MRPS35: variants seen among roughly 807,000 people sequenced by gnomAD.
The protein encoded by MRPS35 is mitochondrial ribosomal protein S35, also known as small ribosomal subunit protein mS35.
A neutral mutation model predicts 32.7 loss-of-function variants in MRPS35; 29 were observed. The observed-to-expected ratio is 0.89, with a 90% CI of 0.66 to 1.21. The LOEUF (loss-of-function observed/expected upper bound fraction) is 1.21. Among genes scored for constraint, MRPS35 ranks in the 50% most tolerant of loss-of-function variants. The pLI is 0.00. For synonymous variants in MRPS35, 148 were observed against 139.3 expected, an observed-to-expected ratio of 1.06 and a Z score of -0.44; for missense variants, 373 against 383.8, an observed-to-expected ratio of 0.97 and a Z score of 0.23.
rs775495470 is a variant in MRPS35 at position 27,723,611 on chromosome 12, C to T, written c.383-436C>T. ...GTTTCTTCTTAGGGCTTTTTGAGAG[C>T]TTTCAATTCCTTTCAGCTGATCTTT... On this transcript the variant is annotated intron_variant, in intron 4 of 7. Coordinates refer to ENST00000081029, the MANE Select transcript of MRPS35 (RefSeq NM_021821.4). Among the ~76,000 whole-genome samples, 9 of 149,498 alleles carry T rather than the reference C, an allele frequency of 6.0e-5. 1 individual carries two copies. The highest frequency in any genetic ancestry group is 2.9e-5 in the Non-Finnish European group (2 of 68,034).
In MRPS35 at chr12:27,734,010, A is replaced by G. The variant is rs1399565037; in HGVS notation, c.523-1437A>G. 2.0e-5 allele frequency among the ~76,000 whole-genome samples: 3 copies of G among 152,212 alleles called. No homozygotes were observed. In the South Asian group the frequency reaches 6.2e-4, roughly 31 times the overall value. ...ATCATTCTTACCCTCAAGGGTTTCA[A>G]ATCAGTGGGGAAAAAATGGGAAAAT... On this transcript the variant is annotated intron_variant, in intron 5 of 7. Coordinates refer to ENST00000081029, the MANE Select transcript of MRPS35 (RefSeq NM_021821.4).
chr12:27,751,563 G>A lies in MRPS35; in HGVS notation c.703-3618G>A, dbSNP rs1023362618. Among the ~76,000 whole-genome samples, 4 of 152,228 alleles carry A rather than the reference G, an allele frequency of 2.6e-5. No individual in the cohort carries two copies. In the East Asian group the frequency reaches 5.8e-4, roughly 22 times the overall value. On this transcript the variant is annotated intron_variant, in intron 7 of 7. Transcript: ENST00000081029. Reference sequence around the variant, plus strand: ...GCTGTGTGGCTCCCGCGACCCCCATGCCTGCGGCTTCCCAGAAGGCTCTCC... The same window carrying A: ...GCTGTGTGGCTCCCGCGACCCCCATACCTGCGGCTTCCCAGAAGGCTCTCC...
At chr12:27,750,361 TAAC>T (rs2061997084) in intron 7 of MRPS35, among the ~76,000 whole-genome samples, 1 of 152,242 alleles carries the variant, frequency 6.6e-6, no homozygotes, top group South Asian at 2.1e-4. Context: ...CAGTAAATCT[TAAC>T]AACAATTGTA....
In MRPS35 at chr12:27,719,809, T is replaced by G. The variant is rs768205498; in HGVS notation, c.323T>G (p.Ile108Ser). The change falls in exon 4 of 8, where the codon ATT becomes AGT. Residue 108 changes from isoleucine (I) to serine (S), a missense_variant and splice_region_variant. By Grantham distance (142) the Ile-to-Ser change is moderately radical (BLOSUM62 -2). Coordinates refer to ENST00000081029, the MANE Select transcript of MRPS35 (RefSeq NM_021821.4). ...ATCTTTTAAATTTCTCTATTTAAGA[T>G]TCCCAATTTTCTGCATTTGACTCCT... ...AKEGNLELLK[I>S]PNFLHLTPVA... 7 of 1,590,950 alleles carry G rather than the reference T, an allele frequency of 4.4e-6. No individual in the cohort carries two copies. Among genetic ancestry groups the G allele is most frequent in the Admixed American group, 1.7e-5 (1 of 59,746 alleles).
intron 1 of MRPS35, 120 bp from the exon 2 acceptor site, chr12:27,714,660 C>G: frequency 5.6e-6 from 3 of 537,648 alleles, no homozygotes; most frequent in Non-Finnish European, 9.1e-6. Context: ...AAGATTGTTT[C>G]ATTGTTATGT....
intron 4 of MRPS35, among the ~76,000 whole-genome samples, chr12:27,720,350 C>T (rs547396993): frequency 3.3e-5 from 5 of 149,624 alleles, no homozygotes; most frequent in South Asian, 4.2e-4. Context: ...GTTTAAATCG[C>T]GCCATTGCAC....
intron 5 of MRPS35, among the ~76,000 whole-genome samples, chr12:27,730,759 A>G (rs1256523081): frequency 6.6e-6 from 1 of 152,182 alleles, no homozygotes; most frequent in Admixed American, 6.5e-5. Context: ...GCAGTGAGCC[A>G]CTGTGCCGGC....
At chr12:27,718,749 C>T (rs1290751707) in intron 3 of MRPS35, among the ~76,000 whole-genome samples, 1 of 152,170 alleles carries the variant, frequency 6.6e-6, no homozygotes, top group Non-Finnish European at 1.5e-5. Flanking sequence ...AGTTGAAATA[C>T]TGTCATGCTA....
In MRPS35 at chr12:27,733,026, A is replaced by ATCTATC. The variant is rs1298970274; in HGVS notation, c.523-2420_523-2419insCTATCT. On this transcript the variant is annotated intron_variant, in intron 5 of 7. Transcript: ENST00000081029. The stretch of plus-strand genomic sequence containing the variant: ...TATATATATATATATATATATATAT[A>ATCTATC]TATATATATATATATCCAGCACCTC... 6.8e-5 allele frequency among the ~76,000 whole-genome samples: 9 copies of ATCTATC among 132,946 alleles called. No individual in the cohort carries two copies. In the East Asian group the frequency reaches 2.1e-3, roughly 30 times the overall value. The allele number at this position is 132,946 out of a possible 152,430, so 87.2% of individuals were successfully genotyped here.
At chr12:27,713,867 C>T (rs181161519) in intron 1 of MRPS35, among the ~76,000 whole-genome samples, 11 of 152,114 alleles carry the variant, frequency 7.2e-5, no homozygotes, top group Admixed American at 4.6e-4. Context: ...GTGGGTGGAT[C>T]GCTGGAGCTC....
At chr12:27,719,710 T>G in intron 3 of MRPS35, 98 bp from the exon 4 acceptor site, 38 of 704,470 alleles carry the variant, frequency 5.4e-5, no homozygotes, top group Middle Eastern at 3.1e-4. Flanking sequence ...ATTTACTACA[T>G]GTTTTATTGG....
At chr12:27,729,137 T>G (rs1049504076) in intron 5 of MRPS35, among the ~76,000 whole-genome samples, 4 of 152,180 alleles carry the variant, frequency 2.6e-5, no homozygotes, top group Non-Finnish European at 4.4e-5. Flanking sequence ...CTTTGGCCAG[T>G]GGGAACTCTT....
chr12:27,731,705 A>G (rs933446372), intron 5 of MRPS35, among the ~76,000 whole-genome samples: 2 of 152,094 alleles, frequency 1.3e-5, no homozygotes, highest in African/African-American at 4.8e-5. Flanking sequence ...AGTAGTTGGA[A>G]TTATAGGAAT....
intron 7 of MRPS35, among the ~76,000 whole-genome samples, chr12:27,747,196 A>G (rs2061984383): frequency 6.6e-6 from 1 of 152,202 alleles, no homozygotes; most frequent in Non-Finnish European, 1.5e-5. Context: ...CTCTTTGCGT[A>G]TAATTCTTTT....
chr12:27,719,409 G>A (rs999641223), intron 3 of MRPS35, among the ~76,000 whole-genome samples: 13 of 152,158 alleles, frequency 8.5e-5, no homozygotes, highest in South Asian at 2.1e-4. Context: ...GCTCACGCCT[G>A]TAATCCCAGC....
intron 5 of MRPS35, among the ~76,000 whole-genome samples, chr12:27,727,318 T>C (rs937790035): frequency 6.6e-6 from 1 of 152,172 alleles, no homozygotes; most frequent in Non-Finnish European, 1.5e-5. Flanking sequence ...AATGATGTTG[T>C]GGTCAGTGAT....
chr12:27,748,167 A>G (rs1433828493), intron 7 of MRPS35, among the ~76,000 whole-genome samples: 1 of 152,216 alleles, frequency 6.6e-6, no homozygotes, highest in African/African-American at 2.4e-5. Flanking sequence ...TCCGGCTTCA[A>G]GGCCTTTGTG....
At chr12:27,716,999 A>C (rs1363448285) in intron 3 of MRPS35, among the ~76,000 whole-genome samples, 1 of 151,970 alleles carries the variant, frequency 6.6e-6, no homozygotes, top group Non-Finnish European at 1.5e-5. Flanking sequence ...TCAGGAAAAA[A>C]AAAAAGAGTA....
intron 5 of MRPS35, among the ~76,000 whole-genome samples, chr12:27,724,679 G>A (rs1232513852): frequency 6.6e-6 from 1 of 151,972 alleles, no homozygotes; most frequent in African/African-American, 2.4e-5. Context: ...GGAGGCAGAG[G>A]TTGCAGTGAG....
Sources: allele counts gnomAD v4.1 joint callset (sites outside exome capture counted in the v4.1 genomes callset), GRCh38; gene constraint gnomAD v4.1.1; transcripts MANE v1.5; gene names NCBI Gene and HGNC (gene_info 2026-07-23, HGNC 2026-07-21).